TEX26: variants seen among roughly 807,000 people sequenced by gnomAD.
The protein encoded by TEX26 is testis-expressed protein 26.
In TEX26, 34 loss-of-function variants were observed where a neutral mutation model predicts 35.3. The ratio of observed to expected loss-of-function variants is 0.96; its 90% CI spans 0.73 to 1.28. The LOEUF is 1.28. Ranked by LOEUF, TEX26 falls within the 50% of genes most tolerant of loss-of-function variation. The probability of loss-of-function intolerance (pLI) is 0.00; values close to 1 mark genes in which losing one functional copy is unlikely to be tolerated. For missense variants in TEX26, 371 were observed against 330.1 expected, an observed-to-expected ratio of 1.12 and a Z score of -0.96; for synonymous variants, 136 against 111.8, an observed-to-expected ratio of 1.22 and a Z score of -1.36.
chr13:30,940,648 A>C (rs1953460767), intron 2 of TEX26, among the ~76,000 whole-genome samples: 1 of 152,024 alleles, frequency 6.6e-6, no homozygotes, highest in African/African-American at 2.4e-5. Context: ...ATCATCTTTT[A>C]CTGTGTCACT....
chr13:30,960,694 A>C (rs767137834), intron 4 of TEX26, among the ~76,000 whole-genome samples: 1 of 152,168 alleles, frequency 6.6e-6, no homozygotes, highest in Non-Finnish European at 1.5e-5. Context: ...ATTCTCATGA[A>C]TTTTAAGATA....
At chr13:30,970,168 A>AGTGTGTGT (rs57600535) in intron 6 of TEX26, among the ~76,000 whole-genome samples, 4 of 146,412 alleles carry the variant, frequency 2.7e-5, no homozygotes, top group African/African-American at 1.0e-4. Context: ...GGTGTGTGTG[A>AGTGTGTGT]GTGTGTGTGT....
intron 2 of TEX26, among the ~76,000 whole-genome samples, chr13:30,951,802 C>A (rs1285336852): frequency 2.0e-5 from 3 of 152,102 alleles, no homozygotes; most frequent in South Asian, 4.2e-4. Flanking sequence ...AATAGCCAAT[C>A]AGCAATCAAA....
chr13:30,966,017 A>G (rs890082674), intron 4 of TEX26, among the ~76,000 whole-genome samples: 4 of 152,122 alleles, frequency 2.6e-5, no homozygotes, highest in African/African-American at 9.7e-5. Context: ...CACTGAGCAG[A>G]CTCATGACAT....
chr13:30,940,652 T>G (rs1382652242), intron 2 of TEX26, among the ~76,000 whole-genome samples: 1 of 152,164 alleles, frequency 6.6e-6, no homozygotes, highest in African/African-American at 2.4e-5. Flanking sequence ...TCTTTTACTG[T>G]GTCACTGGTA....
At chr13:30,939,122 C>T (rs1461403112) in intron 1 of TEX26, among the ~76,000 whole-genome samples, 1 of 152,212 alleles carries the variant, frequency 6.6e-6, no homozygotes, top group African/African-American at 2.4e-5. Context: ...TAACTGAAAC[C>T]CGATATGTCT....
intron 1 of TEX26, among the ~76,000 whole-genome samples, chr13:30,934,987 T>A (rs1953217998): frequency 1.3e-5 from 2 of 152,210 alleles, no homozygotes; most frequent in African/African-American, 4.8e-5. Context: ...GGGCAAGAGC[T>A]CCCTGGTGCA....
At position 30,952,723 on chromosome 13, in the gene TEX26, A is replaced by G. The variant is rs763700448; in HGVS notation, c.210A>G (p.Thr70=). Residue 70 remains threonine, a synonymous_variant, in exon 3 of 7, where the codon ACA becomes ACG. Coordinates refer to ENST00000380473, the MANE Select transcript of TEX26 (RefSeq NM_152325.3). ...TTAGTGATCCTATTCTCAATCAGAC[A>G]CAATATAGTGATGAGTACACTTGGA... ...YSLSDPILNQ[T]QYSDEYTWKS... 39 of 1,612,646 alleles carry G rather than the reference A, an allele frequency of 2.4e-5. No individual in the cohort carries two copies. Among genetic ancestry groups the G allele is most frequent in the East Asian group, 1.3e-4 (6 of 44,730 alleles).
chr13:30,945,259 T>C (rs578232107), intron 2 of TEX26, among the ~76,000 whole-genome samples: 1 of 152,174 alleles, frequency 6.6e-6, no homozygotes, highest in Admixed American at 6.5e-5. Context: ...GATATAAGAA[T>C]AGCTACTCCA....
At chr13:30,974,617 C>A (rs747793578) in intron 6 of TEX26, among the ~76,000 whole-genome samples, 2 of 152,156 alleles carry the variant, frequency 1.3e-5, no homozygotes, top group Non-Finnish European at 2.9e-5. Flanking sequence ...CGTGTTCTGT[C>A]CAGTAAGTTT....
At chr13:30,957,081 G>A in intron 4 of TEX26, 52 bp downstream of exon 4, 1 of 1,570,332 alleles carries the variant, frequency 6.4e-7, no homozygotes, top group Non-Finnish European at 8.7e-7. Flanking sequence ...AGGCCCTGGA[G>A]TTGCAGTGGT....
In TEX26 at chr13:30,956,947, G is replaced by A. The variant is rs199670260; in HGVS notation, c.387G>A (p.Pro129=). The part of the protein sequence containing the change: ...TLKNCLPWKI[P]ASMKEVNKAL... ...AGAACTGCCTCCCTTGGAAAATCCC[G>A]GCTTCAATGAAAGAAGTTAACAAGG... The change falls in exon 4 of 7, where the codon CCG becomes CCA. Residue 129 remains proline, a synonymous_variant. Transcript: ENST00000380473. The A allele has an allele frequency of 1.9e-5, 30 of 1,614,008 alleles. No homozygotes were observed. The highest frequency in any genetic ancestry group is 1.5e-4 in the South Asian group (14 of 91,084).
intron 2 of TEX26, among the ~76,000 whole-genome samples, chr13:30,945,628 T>A (rs1329200325): frequency 6.6e-6 from 1 of 151,926 alleles, no homozygotes; most frequent in Non-Finnish European, 1.5e-5. Context: ...GTAGGGCTGG[T>A]CTGGTAGTGA....
At chr13:30,939,164 T>C (rs1332607858) in intron 1 of TEX26, among the ~76,000 whole-genome samples, 2 of 152,196 alleles carry the variant, frequency 1.3e-5, no homozygotes, top group Non-Finnish European at 2.9e-5. Flanking sequence ...TACCTCCACA[T>C]GTATGCAAAG....
At chr13:30,946,687 G>C (rs904814912) in intron 2 of TEX26, among the ~76,000 whole-genome samples, 1 of 151,862 alleles carries the variant, frequency 6.6e-6, no homozygotes, top group Non-Finnish European at 1.5e-5. Flanking sequence ...TTGGCTCTTG[G>C]TGCTTTCAGG....
Position 30,975,027 on chromosome 13 carries a change from A to G in TEX26, c.*120A>G. On this transcript the variant is annotated 3_prime_UTR_variant, in exon 7 of 7. Transcript: ENST00000380473. ...TGCAAATAGCTTCAAGTATGATGTG[A>G]TAGTCATGAATTTGTGTCTTTTGCT... The G allele has an allele frequency of 1.6e-6, 1 of 628,216 alleles. No individual in the cohort carries two copies. Among genetic ancestry groups the G allele is most frequent in the South Asian group, 2.8e-5 (1 of 36,084 alleles). 38.9% of individuals were successfully genotyped at this position (628,216 alleles called of 1,614,324 possible). A position where few individuals can be genotyped will look rare whatever the true frequency, so the allele number is the denominator to read the frequency against.
At chr13:30,956,759 G>C (rs1462244104) in intron 3 of TEX26, 114 bp from the exon 4 acceptor site, 1 of 952,750 alleles carries the variant, frequency 1.0e-6, no homozygotes, top group Non-Finnish European at 1.6e-6. Context: ...TGCACCTGCA[G>C]TGGCAGCTGG....
chr13:30,964,880 C>G (rs1054573686), intron 4 of TEX26, among the ~76,000 whole-genome samples: 1 of 152,208 alleles, frequency 6.6e-6, no homozygotes, highest in Non-Finnish European at 1.5e-5. Flanking sequence ...CATTAATCCA[C>G]TCATGAGGGC....
rs1954846996 is a variant in TEX26 at position 30,975,437 on chromosome 13, A to G, written c.*530A>G. 1 of 152,188 alleles carries G rather than the reference A, an allele frequency of 6.6e-6. No homozygotes were observed. Among genetic ancestry groups the G allele is most frequent in the Non-Finnish European group, 1.5e-5 (1 of 68,006 alleles). The allele number at this position is 152,188 out of a possible 1,614,324, so 9.4% of individuals were successfully genotyped here. Reference sequence around the variant, plus strand: ...TTTAATCCCTTATATCTTTAATTGTATACTTGAATTGTTCAATTCTGAAAG... The same window carrying G: ...TTTAATCCCTTATATCTTTAATTGTGTACTTGAATTGTTCAATTCTGAAAG... On this transcript the variant is annotated 3_prime_UTR_variant, in exon 7 of 7. Transcript: ENST00000380473.
Sources: gnomAD v4.1 joint callset for allele counts (sites outside exome capture counted in the v4.1 genomes callset) on GRCh38, gnomAD v4.1.1 for gene constraint, MANE v1.5 for transcripts, NCBI Gene and HGNC (gene_info 2026-07-23, HGNC 2026-07-21) for gene names.